PTPRD: variants seen among roughly 807,000 people sequenced by gnomAD.
The protein encoded by PTPRD is receptor-type tyrosine-protein phosphatase delta.
PTPRD carries 34 observed loss-of-function variants against 214.5 expected under a neutral mutation model. That is an observed-to-expected ratio of 0.16 (90% CI 0.12 to 0.21). PTPRD has a LOEUF of 0.21. Among genes scored for constraint, PTPRD ranks in the 10% least tolerant of loss-of-function variants. The probability of loss-of-function intolerance (pLI) is 1.00; values close to 1 mark genes in which losing one functional copy is unlikely to be tolerated. For synonymous variants in PTPRD, 1,128 were observed against 845.7 expected (o/e 1.33, Z -5.79); for missense variants, 2,545 against 2,398.7 (o/e 1.06, Z -1.27).
chr9:9,407,673 T>C (rs2073983696), intron 8 of PTPRD, among the ~76,000 whole-genome samples: 2 of 151,852 alleles, frequency 1.3e-5, no homozygotes, highest in South Asian at 4.1e-4. Flanking sequence ...TTCACGCTGC[T>C]AAGACTCAGT....
intron 11 of PTPRD, among the ~76,000 whole-genome samples, chr9:8,913,370 C>A (rs1468175574): frequency 6.6e-6 from 1 of 152,052 alleles, no homozygotes; most frequent in Non-Finnish European, 1.5e-5. Context: ...AGACATCTCT[C>A]TGTTGGATAT....
Position 8,326,227 on chromosome 9 carries a change from C to A in PTPRD, c.5534+5355G>T, listed in dbSNP as rs574829355. On this transcript the variant is annotated intron_variant, in intron 44 of 45. Coordinates refer to ENST00000381196, the MANE Select transcript of PTPRD (RefSeq NM_002839.4). ...GCGTTTGTCATAAATAGCTCTTCTTCTTTTGAGATACGTTCCATCAGTACC... is the reference window on the plus strand; with the variant it reads ...GCGTTTGTCATAAATAGCTCTTCTTATTTTGAGATACGTTCCATCAGTACC... Among the ~76,000 whole-genome samples the A allele has an allele frequency of 3.0e-4, 45 of 152,090 alleles. No individual in the cohort carries two copies. The South Asian group carries it at 5.8e-3, about 20-fold the overall frequency.
intron 3 of PTPRD, among the ~76,000 whole-genome samples, chr9:10,302,122 T>G (rs1369422441): frequency 6.6e-6 from 1 of 151,854 alleles, no homozygotes; most frequent in Admixed American, 6.6e-5. Context: ...ATATTCAACA[T>G]TCTTAAAGAA....
rs564035585 is a variant in PTPRD at position 8,937,329 on chromosome 9, C to A, written c.-104+81368G>T. Among the ~76,000 whole-genome samples the A allele has an allele frequency of 2.6e-5, 4 of 152,234 alleles. No individual in the cohort carries two copies. The South Asian group carries it at 8.3e-4, about 32-fold the overall frequency. ...AGAAATGTTTAATTTCACATCAGTT[C>A]ACATCAGATTCCCTTTCTTATAAAG... is the stretch of plus-strand genomic sequence containing the variant. On this transcript the variant is annotated intron_variant, in intron 11 of 45. Coordinates refer to ENST00000381196, the MANE Select transcript of PTPRD (RefSeq NM_002839.4).
chr9:10,120,646 T>G (rs751585290), intron 3 of PTPRD, among the ~76,000 whole-genome samples: 1 of 145,286 alleles, frequency 6.9e-6, no homozygotes, highest in Non-Finnish European at 1.5e-5. Flanking sequence ...GTTCTATACA[T>G]CCATCAATAT....
chr9:8,881,712 C>G (rs1387343540), intron 11 of PTPRD, among the ~76,000 whole-genome samples: 1 of 152,090 alleles, frequency 6.6e-6, no homozygotes, highest in African/African-American at 2.4e-5. Flanking sequence ...ATTTTAAGGA[C>G]AAACAGAATT....
intron 9 of PTPRD, among the ~76,000 whole-genome samples, chr9:9,269,344 A>G (rs913393695): frequency 2.6e-5 from 4 of 151,394 alleles, no homozygotes; most frequent in Admixed American, 6.6e-5. Flanking sequence ...ATTAGCAAAA[A>G]GTTAAAAGAT....
At chr9:10,454,812 C>T (rs552764215) in intron 2 of PTPRD, among the ~76,000 whole-genome samples, 72 of 150,284 alleles carry the variant, frequency 4.8e-4, no homozygotes, top group Non-Finnish European at 8.0e-4. Context: ...AAAATGTTTA[C>T]ACACACACAC....
intron 5 of PTPRD, among the ~76,000 whole-genome samples, chr9:9,929,132 A>T (rs1750211502): frequency 6.6e-6 from 1 of 152,204 alleles, no homozygotes; most frequent in South Asian, 2.1e-4. Context: ...TAACTCTGTG[A>T]TCCTTCTAGT....
chr9:10,503,391 T>C (rs1416720688), intron 2 of PTPRD, among the ~76,000 whole-genome samples: 1 of 151,932 alleles, frequency 6.6e-6, no homozygotes, highest in East Asian at 1.9e-4. Flanking sequence ...TGGTAATAAA[T>C]ACCTTAATAT....
rs113653264 is a variant in PTPRD at position 9,775,612 on chromosome 9, C to G, written c.-367-8761G>C. Among the ~76,000 whole-genome samples the G allele has an allele frequency of 7.6e-4, 115 of 152,224 alleles. 1 individual carries two copies. The highest frequency in any genetic ancestry group is 2.6e-3 in the African/African-American group (109 of 41,536). ...CCCCACCTTCAATTTTATCTTCATCCAATCTCCCTTTCATTCTATTATAGG... is the reference window on the plus strand; with the variant it reads ...CCCCACCTTCAATTTTATCTTCATCGAATCTCCCTTTCATTCTATTATAGG... On this transcript the variant is annotated intron_variant, in intron 5 of 45. Coordinates refer to ENST00000381196, the MANE Select transcript of PTPRD (RefSeq NM_002839.4).
intron 5 of PTPRD, among the ~76,000 whole-genome samples, chr9:9,772,624 A>G (rs968669840): frequency 7.1e-6 from 1 of 141,618 alleles, no homozygotes; most frequent in African/African-American, 2.6e-5. Context: ...TCTATCACAA[A>G]CACTTTAGTT....
Position 10,189,852 on chromosome 9 carries a change from A to C in PTPRD, c.-545+151111T>G, listed in dbSNP as rs116286580. ...GAGTTAGTTTGGCAAGGAATGAGGG[A>C]ATGGGAGAGAGAGTTTTCTGAATTA... is the stretch of plus-strand genomic sequence containing the variant. On this transcript the variant is annotated intron_variant, in intron 3 of 45. Transcript: ENST00000381196. Among the ~76,000 whole-genome samples, 466 of 152,238 alleles carry C rather than the reference A, an allele frequency of 3.1e-3. 4 individuals carry two copies. Among genetic ancestry groups the C allele is most frequent in the African/African-American group, 0.011 (451 of 41,548 alleles).
intron 12 of PTPRD, among the ~76,000 whole-genome samples, chr9:8,719,870 A>G (rs1448843678): frequency 6.6e-6 from 1 of 152,226 alleles, no homozygotes; most frequent in Non-Finnish European, 1.5e-5. Context: ...AAGAAAAAAA[A>G]AAAACCTTGC....
At chr9:8,763,548 C>A (rs887902323) in intron 11 of PTPRD, among the ~76,000 whole-genome samples, 3 of 151,248 alleles carry the variant, frequency 2.0e-5, no homozygotes, top group Non-Finnish European at 2.9e-5. Context: ...ATTAATATAA[C>A]ATATATACAT....
intron 11 of PTPRD, among the ~76,000 whole-genome samples, chr9:9,009,462 G>A (rs1429968150): frequency 6.6e-6 from 1 of 151,884 alleles, no homozygotes; most frequent in African/African-American, 2.4e-5. Context: ...TGAAGGATGT[G>A]CAGGTTTGTT....
At chr9:8,705,601 A>C (rs2098189098) in intron 12 of PTPRD, among the ~76,000 whole-genome samples, 1 of 152,258 alleles carries the variant, frequency 6.6e-6, no homozygotes, top group Non-Finnish European at 1.5e-5. Flanking sequence ...ACAGCAAAGA[A>C]GACATAAAAG....
At chr9:10,492,966 A>T (rs1393727558) in intron 2 of PTPRD, among the ~76,000 whole-genome samples, 1 of 152,162 alleles carries the variant, frequency 6.6e-6, no homozygotes, top group Non-Finnish European at 1.5e-5. Context: ...TAATAGACAA[A>T]TAGCCACATA....
intron 7 of PTPRD, among the ~76,000 whole-genome samples, chr9:9,612,654 T>C (rs971413666): frequency 1.3e-5 from 2 of 152,024 alleles, no homozygotes; most frequent in African/African-American, 2.4e-5. Flanking sequence ...ATAGTAATTA[T>C]TGTAATTTTT....
Sources: gnomAD v4.1 joint callset for allele counts (sites outside exome capture counted in the v4.1 genomes callset) on GRCh38, gnomAD v4.1.1 for gene constraint, MANE v1.5 for transcripts, NCBI Gene and HGNC (gene_info 2026-07-23, HGNC 2026-07-21) for gene names.